MTURN: variants seen among roughly 807,000 people sequenced by gnomAD.
MTURN encodes maturin.
A neutral mutation model predicts 14.9 loss-of-function variants in MTURN; 7 were observed. The observed-to-expected ratio is 0.47, with a 90% CI of 0.27 to 0.88. The LOEUF is 0.88. MTURN is among the 40% of genes least tolerant of loss of function. The pLI is 0.14. For synonymous variants in MTURN, 69 were observed against 72.5 expected, an observed-to-expected ratio of 0.95 and a Z score of 0.25; for missense variants, 151 against 174.1, an observed-to-expected ratio of 0.87 and a Z score of 0.75.
chr7:30,156,124 G>T (rs1013971570), intron 2 of MTURN, among the ~76,000 whole-genome samples: 2 of 152,194 alleles, frequency 1.3e-5, no homozygotes, highest in Non-Finnish European at 2.9e-5. Context: ...GTGGCTTCTT[G>T]CCTGCACCAG....
At chr7:30,146,332 G>T (rs1232580935) in intron 2 of MTURN, 33 bp downstream of exon 2, 1 of 1,611,088 alleles carries the variant, frequency 6.2e-7, no homozygotes, top group Non-Finnish European at 8.5e-7. Flanking sequence ...ACCACAGCTT[G>T]TTTTCTATGG....
At chr7:30,144,509 T>C (rs1797099353) in intron 1 of MTURN, among the ~76,000 whole-genome samples, 1 of 152,200 alleles carries the variant, frequency 6.6e-6, no homozygotes, top group Non-Finnish European at 1.5e-5. Flanking sequence ...TTGACAGCTT[T>C]AAGGGTCTCT....
intron 1 of MTURN, chr7:30,145,957 G>A: frequency 6.4e-7 from 1 of 1,551,732 alleles, no homozygotes; most frequent in Non-Finnish European, 8.7e-7. Flanking sequence ...CAGAGCAGGT[G>A]AGGTATGGAC....
At chr7:30,143,940 G>T (rs748005913) in intron 1 of MTURN, among the ~76,000 whole-genome samples, 6 of 152,206 alleles carry the variant, frequency 3.9e-5, no homozygotes, top group Non-Finnish European at 8.8e-5. Context: ...TAACAAAGTA[G>T]GTTTACAAGC....
intron 1 of MTURN, among the ~76,000 whole-genome samples, chr7:30,142,103 G>A (rs901761641): frequency 2.6e-5 from 4 of 152,334 alleles, no homozygotes; most frequent in Admixed American, 6.5e-5. Context: ...AATGACTGGA[G>A]ACCACTTTTT....
chr7:30,150,205 G>A (rs1304393712), intron 2 of MTURN, among the ~76,000 whole-genome samples: 1 of 152,212 alleles, frequency 6.6e-6, no homozygotes, highest in Non-Finnish European at 1.5e-5. Context: ...ATCCACGGTA[G>A]GCACTAAGTC....
chr7:30,148,389 A>G (rs1032410282), intron 2 of MTURN, among the ~76,000 whole-genome samples: 1 of 152,224 alleles, frequency 6.6e-6, no homozygotes, highest in Non-Finnish European at 1.5e-5. Context: ...GAGTCACAGA[A>G]GGACATGGGC....
intron 1 of MTURN, among the ~76,000 whole-genome samples, chr7:30,136,773 T>C (rs912589124): frequency 6.6e-6 from 1 of 152,178 alleles, no homozygotes; most frequent in Admixed American, 6.5e-5. Flanking sequence ...ATACCCACCC[T>C]GAGCTCAGTT....
chr7:30,141,685 G>T (rs928898286), intron 1 of MTURN, among the ~76,000 whole-genome samples: 14 of 152,084 alleles, frequency 9.2e-5, no homozygotes, highest in African/African-American at 2.7e-4. Context: ...ACCACACCCA[G>T]CTATTTTTCT....
rs1797389474 is a variant in MTURN at position 30,162,488 on chromosome 7, G to GTTGTTGTTTTTTTTTT, written c.*4943_*4958dup. On this transcript the variant is annotated 3_prime_UTR_variant, in exon 3 of 3. Coordinates refer to ENST00000324453, the MANE Select transcript of MTURN (RefSeq NM_152793.3). ...ATAGTTGTTGGGTTTTTGTTTTTTG[G>GTTGTTGTTTTTTTTTT]TTGTTGTTTTTTTTTTTTTTTAGGC... 1.4e-5 allele frequency: 2 copies of GTTGTTGTTTTTTTTTT among 144,508 alleles called. No individual in the cohort carries two copies. The highest frequency in any genetic ancestry group is 4.2e-4 in the South Asian group (2 of 4,708). 9.0% of individuals were successfully genotyped at this position (144,508 alleles called of 1,614,324 possible).
chr7:30,146,412 C>T, intron 2 of MTURN, 113 bp downstream of exon 2: 16 of 1,444,466 alleles, frequency 1.1e-5, no homozygotes, highest in Non-Finnish European at 1.5e-5. Context: ...TTGTTTTTCT[C>T]TTGTCTGTCC....
chr7:30,135,028 C>A lies in MTURN; in HGVS notation c.-109C>A. On this transcript the variant is annotated 5_prime_UTR_variant, in exon 1 of 3. Transcript: ENST00000324453. ...AACAGTCCCAGCCGGCCCAGCCCGG[C>A]CCCGGAGGAGCCCGCGCAGGCCGAG... 1 of 983,170 alleles carries A rather than the reference C, an allele frequency of 1.0e-6. No homozygotes were observed. Among genetic ancestry groups the A allele is most frequent in the Non-Finnish European group, 1.2e-6 (1 of 801,082 alleles). 60.9% of individuals were successfully genotyped at this position (983,170 alleles called of 1,614,324 possible). A position where few individuals can be genotyped will look rare whatever the true frequency, so the allele number is the denominator to read the frequency against.
Position 30,160,301 on chromosome 7 carries a change from C to A in MTURN, c.*2753C>A, listed in dbSNP as rs779109166. 6.6e-6 allele frequency: 1 copy of A among 152,326 alleles called. No homozygotes were observed. The highest frequency in any genetic ancestry group is 1.5e-5 in the Non-Finnish European group (1 of 68,106). The allele number at this position is 152,326 out of a possible 1,614,324, so 9.4% of individuals were successfully genotyped here. A position where few individuals can be genotyped will look rare whatever the true frequency, so the allele number is the denominator to read the frequency against. On this transcript the variant is annotated 3_prime_UTR_variant, in exon 3 of 3. Transcript: ENST00000324453. ...GTGCCCAAGCCCCTGAGGGCTCGAT[C>A]TCATGGGGCAGATGAAATTCTCTTC...
intron 1 of MTURN, 170 bp from the exon 2 acceptor site, chr7:30,146,007 T>G: frequency 6.4e-7 from 1 of 1,550,904 alleles, no homozygotes; most frequent in South Asian, 1.2e-5. Context: ...CATTTTTTCT[T>G]CCCTTTCAAC....
At chr7:30,154,725 T>C (rs1797260665) in intron 2 of MTURN, among the ~76,000 whole-genome samples, 1 of 152,212 alleles carries the variant, frequency 6.6e-6, no homozygotes. Context: ...CTGTAGACCC[T>C]ACACTAAGGT....
chr7:30,145,727 G>C (rs1198369384), intron 1 of MTURN: 1 of 1,173,516 alleles, frequency 8.5e-7, no homozygotes, highest in Non-Finnish European at 1.2e-6. Context: ...TCTGGGTAAA[G>C]AATGTCTTGT....
In MTURN at chr7:30,154,007, C is replaced by A. The variant is rs542403366; in HGVS notation, c.286-3431C>A. On this transcript the variant is annotated intron_variant, in intron 2 of 2. Transcript: ENST00000324453. Reference sequence around the variant, plus strand: ...TGCTGGGATTACAGATGTGAGCCACCGTGCCTGGCCTAAACCCCCTTTAAC... The same window carrying A: ...TGCTGGGATTACAGATGTGAGCCACAGTGCCTGGCCTAAACCCCCTTTAAC... 5.3e-5 allele frequency among the ~76,000 whole-genome samples: 8 copies of A among 152,244 alleles called. No homozygotes were observed. The East Asian group carries it at 1.5e-3, about 29-fold the overall frequency.
At chr7:30,138,666 C>T (rs950800546) in intron 1 of MTURN, among the ~76,000 whole-genome samples, 1 of 151,930 alleles carries the variant, frequency 6.6e-6, no homozygotes, top group Non-Finnish European at 1.5e-5. Flanking sequence ...CACTGTCTAC[C>T]CAGCAGTCAT....
rs1481948534 is a variant in MTURN at position 30,157,868 on chromosome 7, C to T, written c.*320C>T. On this transcript the variant is annotated 3_prime_UTR_variant, in exon 3 of 3. Transcript: ENST00000324453. The stretch of plus-strand genomic sequence containing the variant: ...GTTGGAGAATTAACATTCGCTGACT[C>T]GAATGTAGAGAACTCTGAATGTATT... 3 of 170,414 alleles carry T rather than the reference C, an allele frequency of 1.8e-5. No individual in the cohort carries two copies. The highest frequency in any genetic ancestry group is 3.8e-5 in the Non-Finnish European group (3 of 79,134). The allele number at this position is 170,414 out of a possible 1,614,324, so 10.6% of individuals were successfully genotyped here.
Sources: gnomAD v4.1 joint callset for allele counts (sites outside exome capture counted in the v4.1 genomes callset) on GRCh38, gnomAD v4.1.1 for gene constraint, MANE v1.5 for transcripts, NCBI Gene and HGNC (gene_info 2026-07-23, HGNC 2026-07-21) for gene names.